ARIH1: variants seen among roughly 807,000 people sequenced by gnomAD.
ARIH1 encodes the protein ariadne RBR E3 ubiquitin protein ligase 1.
In ARIH1, 8 loss-of-function variants were observed where a neutral mutation model predicts 85.0. The ratio of observed to expected loss-of-function variants is 0.09; its 90% CI spans 0.06 to 0.17. ARIH1 has a LOEUF of 0.17. ARIH1 is among the 10% of genes least tolerant of loss of function. ARIH1 has a pLI of 1.00. For missense variants in ARIH1, 311 were observed against 718.1 expected (o/e 0.43, Z 6.48); for synonymous variants, 238 against 253.6 (o/e 0.94, Z 0.59).
chr15:72,537,931 A>G (rs551856890), intron 2 of ARIH1, among the ~76,000 whole-genome samples: 1 of 152,294 alleles, frequency 6.6e-6, no homozygotes, highest in South Asian at 2.1e-4. Context: ...TATAACCTAT[A>G]ATGTGTTTTT....
At chr15:72,490,730 T>C (rs2063855800) in intron 1 of ARIH1, among the ~76,000 whole-genome samples, 1 of 151,892 alleles carries the variant, frequency 6.6e-6, no homozygotes, top group Non-Finnish European at 1.5e-5. Context: ...GAAGCAGGGA[T>C]AGGAGTGGTT....
intron 1 of ARIH1, among the ~76,000 whole-genome samples, chr15:72,488,363 C>T (rs2063845670): frequency 6.6e-6 from 1 of 152,186 alleles, no homozygotes; most frequent in Admixed American, 6.5e-5. Context: ...AGGCATGAGC[C>T]ACCGTGCCCA....
At chr15:72,538,148 G>C (rs902017773) in intron 2 of ARIH1, among the ~76,000 whole-genome samples, 1 of 152,174 alleles carries the variant, frequency 6.6e-6, no homozygotes, top group Non-Finnish European at 1.5e-5. Flanking sequence ...CAGATCACTT[G>C]AGCCCAGGAG....
In ARIH1 at chr15:72,575,083, G is replaced by T. The variant is rs924857692; in HGVS notation, c.1215+2918G>T. On this transcript the variant is annotated intron_variant, in intron 11 of 13. Coordinates refer to ENST00000379887, the MANE Select transcript of ARIH1 (RefSeq NM_005744.5). Reference sequence around the variant, plus strand: ...ACCCCTCTTTAGCCTGGATGGCAGAGACCCTATCTCAGAACAAAAAAACAA... The same window carrying T: ...ACCCCTCTTTAGCCTGGATGGCAGATACCCTATCTCAGAACAAAAAAACAA... 6.0e-4 allele frequency among the ~76,000 whole-genome samples: 91 copies of T among 151,994 alleles called. 1 individual carries two copies. The highest frequency in any genetic ancestry group is 2.1e-3 in the African/African-American group (86 of 41,480).
intron 11 of ARIH1, among the ~76,000 whole-genome samples, chr15:72,577,613 T>C (rs1595874806): frequency 6.6e-6 from 1 of 151,936 alleles, no homozygotes; most frequent in Non-Finnish European, 1.5e-5. Flanking sequence ...GTGGAGGTCG[T>C]GGAGAGCCGA....
rs1289830119 is a variant in ARIH1, at chr15:72,589,023, G to A, written c.*5731G>A. On this transcript the variant is annotated 3_prime_UTR_variant, in exon 14 of 14. Transcript: ENST00000379887. ...GTATTTTTATTTCAAGTGTGGTATA[G>A]TAGTAAGAATATTGGTATTTCTCAG... 6.6e-6 allele frequency: 1 copy of A among 152,118 alleles called. No individual in the cohort carries two copies. Among genetic ancestry groups the A allele is most frequent in the African/African-American group, 2.4e-5 (1 of 41,422 alleles). The allele number at this position is 152,118 out of a possible 1,614,324, so 9.4% of individuals were successfully genotyped here. A position where few individuals can be genotyped will look rare whatever the true frequency, so the allele number is the denominator to read the frequency against.
At chr15:72,488,916 C>G (rs1019897860) in intron 1 of ARIH1, among the ~76,000 whole-genome samples, 1 of 152,170 alleles carries the variant, frequency 6.6e-6, no homozygotes, top group Non-Finnish European at 1.5e-5. Context: ...TTCCCTGGCG[C>G]TGGGTGTGAA....
At position 72,535,605 on chromosome 15, in the gene ARIH1, C is replaced by T. The variant is rs117958556; in HGVS notation, c.444-9215C>T. 1.1e-3 allele frequency among the ~76,000 whole-genome samples: 169 copies of T among 152,260 alleles called. 1 individual carries two copies. The highest frequency in any genetic ancestry group is 6.8e-3 in the Middle Eastern group (2 of 294). On this transcript the variant is annotated intron_variant, in intron 2 of 13. Coordinates refer to ENST00000379887, the MANE Select transcript of ARIH1 (RefSeq NM_005744.5). Reference sequence around the variant, plus strand: ...ACTTGCATTAGATATATTGAAAAATCGTTATCAAAACAATAAAAAGACAAT... The same window carrying T: ...ACTTGCATTAGATATATTGAAAAATTGTTATCAAAACAATAAAAAGACAAT...
rs534868401 is a variant in ARIH1, at chr15:72,586,411, A to G, written c.*3119A>G. On this transcript the variant is annotated 3_prime_UTR_variant, in exon 14 of 14. Coordinates refer to ENST00000379887, the MANE Select transcript of ARIH1 (RefSeq NM_005744.5). Reference sequence around the variant, plus strand: ...ACAATCAGAATGGTAAATTGATTAAATGCTCCTAACCCTGTAATTTTGTGC... The same window carrying G: ...ACAATCAGAATGGTAAATTGATTAAGTGCTCCTAACCCTGTAATTTTGTGC... 2 of 152,198 alleles carry G rather than the reference A, an allele frequency of 1.3e-5. No individual in the cohort carries two copies. Among genetic ancestry groups the G allele is most frequent in the Non-Finnish European group, 2.9e-5 (2 of 68,022 alleles). The allele number at this position is 152,198 out of a possible 1,614,324, so 9.4% of individuals were successfully genotyped here.
At chr15:72,494,427 C>T (rs879353132) in intron 1 of ARIH1, among the ~76,000 whole-genome samples, 1 of 151,840 alleles carries the variant, frequency 6.6e-6, no homozygotes, top group African/African-American at 2.4e-5. Context: ...AGGTGGCATT[C>T]CAGACAAAGG....
At chr15:72,581,868 G>T (rs771593579) in intron 12 of ARIH1, 4 of 388,792 alleles carry the variant, frequency 1.0e-5, no homozygotes, top group East Asian at 8.0e-5. Flanking sequence ...GAAATCTTTC[G>T]TTCTTTTAAC....
intron 3 of ARIH1, among the ~76,000 whole-genome samples, chr15:72,550,036 T>C (rs2064146749): frequency 6.6e-6 from 1 of 152,212 alleles, no homozygotes. Flanking sequence ...GATAATAATA[T>C]GTTCCTCGAA....
intron 1 of ARIH1, among the ~76,000 whole-genome samples, chr15:72,494,198 A>G: frequency 6.6e-6 from 1 of 152,166 alleles, no homozygotes; most frequent in East Asian, 1.9e-4. Flanking sequence ...ATCAGCTGAG[A>G]TTTCTTTAGC....
intron 7 of ARIH1, among the ~76,000 whole-genome samples, chr15:72,566,054 T>G (rs1202780188): frequency 6.6e-6 from 1 of 152,210 alleles, no homozygotes; most frequent in Non-Finnish European, 1.5e-5. Context: ...GTATTTAGTC[T>G]TTTTGTTTTA....
chr15:72,512,685 G>A (rs896755613), intron 1 of ARIH1, among the ~76,000 whole-genome samples: 1 of 150,670 alleles, frequency 6.6e-6, no homozygotes, highest in Admixed American at 6.6e-5. Flanking sequence ...ACACTGTTAT[G>A]TCCCACAACT....
intron 6 of ARIH1, among the ~76,000 whole-genome samples, chr15:72,562,626 C>A (rs1443938515): frequency 6.7e-6 from 1 of 148,942 alleles, no homozygotes; most frequent in Non-Finnish European, 1.5e-5. Flanking sequence ...TTCCTTCTTA[C>A]AAGAGCTTTT....
At chr15:72,532,421 G>T (rs1393491054) in intron 2 of ARIH1, among the ~76,000 whole-genome samples, 1 of 151,964 alleles carries the variant, frequency 6.6e-6, no homozygotes, top group Non-Finnish European at 1.5e-5. Flanking sequence ...ATAAAGAAAT[G>T]AAATCCATAA....
intron 6 of ARIH1, 127 bp from the exon 7 acceptor site, chr15:72,563,267 C>T (rs892173466): frequency 3.7e-5 from 25 of 682,654 alleles, no homozygotes; most frequent in African/African-American, 9.1e-5. Context: ...CTATGTTGCC[C>T]GGGCTGGTCT....
At chr15:72,559,827 A>T (rs902845733) in intron 5 of ARIH1, among the ~76,000 whole-genome samples, 27 of 152,162 alleles carry the variant, frequency 1.8e-4, no homozygotes, top group Admixed American at 6.5e-5. Flanking sequence ...TAATGTTTTC[A>T]AGATTCATCC....
Sources: allele counts gnomAD v4.1 joint callset (sites outside exome capture counted in the v4.1 genomes callset), GRCh38; gene constraint gnomAD v4.1.1; transcripts MANE v1.5; gene names NCBI Gene and HGNC (gene_info 2026-07-23, HGNC 2026-07-21).